Variants in GRM7 observed in about 807,000 individuals in gnomAD.
GRM7 encodes the protein glutamate metabotropic receptor 7.
Under a neutral mutation model 84.5 loss-of-function variants are expected in GRM7, and 35 were observed. The ratio of observed to expected loss-of-function variants is 0.41; its 90% CI spans 0.32 to 0.55. GRM7 has a LOEUF of 0.55. Ranked by LOEUF, GRM7 falls within the 20% of genes least tolerant of loss-of-function variation. The pLI, the probability that GRM7 is intolerant of heterozygous loss-of-function variation, is 0.19. For missense variants in GRM7, 1,003 were observed against 1,194.6 expected, an observed-to-expected ratio of 0.84 and a Z score of 2.36; for synonymous variants, 487 against 455.1, an observed-to-expected ratio of 1.07 and a Z score of -0.89.
At chr3:7,229,726 C>CATATATATATAT (rs1162837346) in intron 2 of GRM7, among the ~76,000 whole-genome samples, 1 of 28,600 alleles carries the variant, frequency 3.5e-5, no homozygotes, top group Non-Finnish European at 6.0e-5. Context: ...TAGACACACA[C>CATATATATATAT]ATATATATAT....
At chr3:7,020,110 G>A (rs1042724709) in intron 1 of GRM7, among the ~76,000 whole-genome samples, 3 of 152,154 alleles carry the variant, frequency 2.0e-5, no homozygotes, top group Non-Finnish European at 4.4e-5. Flanking sequence ...GCATCCCAAA[G>A]TGCTGGGATT....
chr3:6,902,428 T>C (rs1696421372), intron 1 of GRM7, among the ~76,000 whole-genome samples: 1 of 152,158 alleles, frequency 6.6e-6, no homozygotes, highest in Non-Finnish European at 1.5e-5. Flanking sequence ...ATTTATAGAT[T>C]TTTAATGTTA....
intron 2 of GRM7, among the ~76,000 whole-genome samples, chr3:7,180,401 C>T (rs1208499278): frequency 1.3e-5 from 2 of 152,206 alleles, no homozygotes; most frequent in East Asian, 1.9e-4. Context: ...GAGCCTAACA[C>T]ACCCAAACAG....
At chr3:6,941,122 G>A (rs1158479646) in intron 1 of GRM7, among the ~76,000 whole-genome samples, 1 of 152,076 alleles carries the variant, frequency 6.6e-6, no homozygotes, top group Non-Finnish European at 1.5e-5. Context: ...AGCATTCCAG[G>A]TAAACTAGCC....
At chr3:6,952,013 C>CT (rs201320985) in intron 1 of GRM7, among the ~76,000 whole-genome samples, 4 of 150,870 alleles carry the variant, frequency 2.7e-5, no homozygotes, top group East Asian at 3.9e-4. Context: ...AACCACTTAC[C>CT]TTTTTTTTTA....
At chr3:7,136,167 A>G (rs1191069496) in intron 1 of GRM7, among the ~76,000 whole-genome samples, 10 of 151,590 alleles carry the variant, frequency 6.6e-5, no homozygotes, top group Admixed American at 6.6e-4. Context: ...TCTGGATTTA[A>G]TATATTATTT....
intron 1 of GRM7, among the ~76,000 whole-genome samples, chr3:7,131,156 C>T (rs1693585500): frequency 6.6e-6 from 1 of 152,176 alleles, no homozygotes; most frequent in Non-Finnish European, 1.5e-5. Context: ...TTGCTTCTTC[C>T]ACCAAGATCT....
chr3:6,980,290 GACC>G (rs1173923546), intron 1 of GRM7, among the ~76,000 whole-genome samples: 2 of 152,074 alleles, frequency 1.3e-5, no homozygotes, highest in African/African-American at 4.8e-5. Flanking sequence ...TGAGGCCATA[GACC>G]TTTACAGAAT....
chr3:7,575,213 C>A (rs1389579485), intron 7 of GRM7, among the ~76,000 whole-genome samples: 1 of 152,178 alleles, frequency 6.6e-6, no homozygotes, highest in South Asian at 2.1e-4. Flanking sequence ...GAGCTACCTA[C>A]TAAGACCAGG....
At chr3:7,453,309 C>A (rs992647435) in intron 6 of GRM7, among the ~76,000 whole-genome samples, 12 of 152,068 alleles carry the variant, frequency 7.9e-5, no homozygotes, top group South Asian at 4.1e-4. Context: ...CATGATCTAT[C>A]TGGCATGCTG....
chr3:7,471,767 G>A lies in GRM7; in HGVS notation c.1515+10045G>A, dbSNP rs141291648. On this transcript the variant is annotated intron_variant, in intron 7 of 9. Transcript: ENST00000357716. ...AAAATTAGAACATAGACATCTTTCT[G>A]GGGAGTTGAGAAGAATGGATTATTT... Among the ~76,000 whole-genome samples the A allele has an allele frequency of 5.0e-3, 767 of 152,216 alleles. 4 individuals carry two copies. The highest frequency in any genetic ancestry group is 0.018 in the African/African-American group (727 of 41,534).
chr3:7,166,793 T>C (rs1449220087), intron 2 of GRM7, among the ~76,000 whole-genome samples: 6 of 152,188 alleles, frequency 3.9e-5, no homozygotes, highest in Non-Finnish European at 7.3e-5. Context: ...AAGTCACCAC[T>C]GTAGCCTCGT....
At chr3:7,731,243 A>G (rs1261299357) in intron 9 of GRM7, among the ~76,000 whole-genome samples, 5 of 152,178 alleles carry the variant, frequency 3.3e-5, no homozygotes. Flanking sequence ...AGGAAATCTG[A>G]TGAGTTATAA....
intron 1 of GRM7, among the ~76,000 whole-genome samples, chr3:6,911,895 C>T (rs557023547): frequency 1.4e-4 from 21 of 152,240 alleles, no homozygotes; most frequent in East Asian, 5.8e-4. Flanking sequence ...ATGCATTAGA[C>T]GTTTTCAAAA....
chr3:7,234,639 A>G (rs1405826841), intron 2 of GRM7, among the ~76,000 whole-genome samples: 2 of 152,174 alleles, frequency 1.3e-5, no homozygotes, highest in Non-Finnish European at 1.5e-5. Context: ...TGAGAAAATA[A>G]AAGAGTTGCA....
At chr3:7,287,773 T>C (rs1179929378) in intron 2 of GRM7, among the ~76,000 whole-genome samples, 2 of 152,132 alleles carry the variant, frequency 1.3e-5, no homozygotes, top group African/African-American at 2.4e-5. Context: ...CTCTAATTGA[T>C]AGGTGTACTC....
At chr3:7,004,731 T>G (rs1243262128) in intron 1 of GRM7, among the ~76,000 whole-genome samples, 1 of 152,224 alleles carries the variant, frequency 6.6e-6, no homozygotes, top group African/African-American at 2.4e-5. Flanking sequence ...GAAATGTGAA[T>G]GGATTAAAAA....
chr3:7,009,801 C>T (rs1361541545), intron 1 of GRM7, among the ~76,000 whole-genome samples: 1 of 152,128 alleles, frequency 6.6e-6, no homozygotes, highest in African/African-American at 2.4e-5. Flanking sequence ...CATTAGCCTC[C>T]AGGGGATCCT....
intron 4 of GRM7, among the ~76,000 whole-genome samples, chr3:7,395,447 C>A (rs1846483): frequency 6.6e-6 from 1 of 152,140 alleles, no homozygotes; most frequent in Non-Finnish European, 1.5e-5. Flanking sequence ...CTCACCATTT[C>A]TACTAGAGAG....
Sources: gnomAD v4.1 joint callset for allele counts (sites outside exome capture counted in the v4.1 genomes callset) on GRCh38, gnomAD v4.1.1 for gene constraint, MANE v1.5 for transcripts, NCBI Gene and HGNC (gene_info 2026-07-23, HGNC 2026-07-21) for gene names.